NUP42: variants seen among roughly 807,000 people sequenced by gnomAD.
NUP42 encodes the protein nucleoporin 42.
In NUP42, 47 loss-of-function variants were observed where a neutral mutation model predicts 35.9. That is an observed-to-expected ratio of 1.31 (90% CI 1.04 to 1.67). The LOEUF (loss-of-function observed/expected upper bound fraction) is 1.67, where lower values mean the gene tolerates loss of function less well. Ranked by LOEUF, NUP42 falls within the 40% of genes most tolerant of loss-of-function variation. NUP42 has a pLI of 0.00. For synonymous variants in NUP42, 173 were observed against 173.3 expected, an observed-to-expected ratio of 1.00 and a Z score of 0.01; for missense variants, 514 against 492.2, an observed-to-expected ratio of 1.04 and a Z score of -0.42.
intron 5 of NUP42, chr7:23,198,190 A>AAAAAC (rs1325871563): frequency 2.6e-5 from 4 of 151,290 alleles, no homozygotes; most frequent in African/African-American, 9.9e-5. Flanking sequence ...TTGCAGTCTC[A>AAAAAC]AAAACAAAAG....
intron 2 of NUP42, among the ~76,000 whole-genome samples, chr7:23,186,684 T>TA (rs1189222355): frequency 2.0e-5 from 3 of 152,184 alleles, no homozygotes; most frequent in Admixed American, 1.3e-4. Context: ...TTTTAATTCC[T>TA]AAAAAAAGTA....
At chr7:23,198,595 A>C (rs1461555677) in intron 5 of NUP42, among the ~76,000 whole-genome samples, 1 of 152,242 alleles carries the variant, frequency 6.6e-6, no homozygotes, top group East Asian at 1.9e-4. Context: ...GGAAGGAGCA[A>C]ATACAAAGTT....
chr7:23,192,979 G>A (rs940135701), intron 3 of NUP42, among the ~76,000 whole-genome samples: 6 of 152,142 alleles, frequency 3.9e-5, no homozygotes, highest in African/African-American at 1.4e-4. Flanking sequence ...ATGTTCAGAT[G>A]TGTTCGGAGT....
At chr7:23,199,635 C>T in intron 6 of NUP42, 93 bp downstream of exon 6, 3 of 1,067,432 alleles carry the variant, frequency 2.8e-6, no homozygotes, top group Admixed American at 1.8e-5. Flanking sequence ...TTTTAAATTA[C>T]CTTCGTAAAT....
chr7:23,183,033 A>C (rs1408330296), intron 1 of NUP42, among the ~76,000 whole-genome samples: 6 of 152,172 alleles, frequency 3.9e-5, no homozygotes, highest in Middle Eastern at 3.2e-3. Context: ...ACGCCCAGTT[A>C]AGGGCTATCC....
At chr7:23,199,427 A>C in intron 5 of NUP42, 31 bp from the exon 6 acceptor site, 1 of 1,551,812 alleles carries the variant, frequency 6.4e-7, no homozygotes, top group Non-Finnish European at 8.9e-7. Context: ...TTCATCAAGC[A>C]CTTTATTATT....
chr7:23,190,235 CTG>C (rs1235156654), intron 3 of NUP42, among the ~76,000 whole-genome samples: 2 of 152,174 alleles, frequency 1.3e-5, no homozygotes, highest in East Asian at 3.9e-4. Flanking sequence ...CAATACGTGT[CTG>C]TGTGAATGCC....
intron 6 of NUP42, 134 bp from the exon 7 acceptor site, chr7:23,200,034 G>T (rs767398411): frequency 3.0e-6 from 2 of 665,076 alleles, no homozygotes. Context: ...TCCTCATCTC[G>T]TCCGTCCAGT....
At chr7:23,193,039 GTGGACCTT>G (rs1785860112) in intron 3 of NUP42, among the ~76,000 whole-genome samples, 6 of 151,972 alleles carry the variant, frequency 3.9e-5, no homozygotes, top group African/African-American at 1.2e-4. Context: ...GAGTGAAGCT[GTGGACCTT>G]CGCGGTGAGT....
Position 23,200,854 on chromosome 7 carries a change from C to T in NUP42, c.*109C>T. The T allele has an allele frequency of 1.9e-6, 1 of 519,064 alleles. No individual in the cohort carries two copies. The highest frequency in any genetic ancestry group is 3.0e-6 in the Non-Finnish European group (1 of 332,446). 32.2% of individuals were successfully genotyped at this position (519,064 alleles called of 1,614,324 possible). A position where few individuals can be genotyped will look rare whatever the true frequency, so the allele number is the denominator to read the frequency against. On this transcript the variant is annotated 3_prime_UTR_variant, in exon 7 of 7. Coordinates refer to ENST00000258742, the MANE Select transcript of NUP42 (RefSeq NM_007342.3). ...ATATATTCATAAGGAATATAAGCTTCCATCAATAGTGATTTTAAATTTGAT... is the reference window on the plus strand; with the variant it reads ...ATATATTCATAAGGAATATAAGCTTTCATCAATAGTGATTTTAAATTTGAT...
chr7:23,187,337 T>G, intron 3 of NUP42, 191 bp downstream of exon 3: 1 of 477,150 alleles, frequency 2.1e-6, no homozygotes, highest in Non-Finnish European at 3.7e-6. Flanking sequence ...TATAGTCTTT[T>G]AAGACATATA....
intron 1 of NUP42, 67 bp downstream of exon 1, chr7:23,182,273 C>G: frequency 2.0e-6 from 3 of 1,536,958 alleles, no homozygotes; most frequent in Non-Finnish European, 2.6e-6. Context: ...GACCGGGCGT[C>G]CCGCGTGTTT....
intron 3 of NUP42, among the ~76,000 whole-genome samples, chr7:23,192,398 T>G (rs937223595): frequency 3.3e-5 from 5 of 151,558 alleles, no homozygotes; most frequent in African/African-American, 1.2e-4. Flanking sequence ...ACAAAAAAAA[T>G]TAGCCGGGCT....
rs769317648 is a variant in NUP42 at position 23,200,309 on chromosome 7, C to G, written c.836C>G (p.Ser279Ter). The G allele has an allele frequency of 6.2e-7, 1 of 1,603,868 alleles. No homozygotes were observed. The highest frequency in any genetic ancestry group is 8.5e-7 in the Non-Finnish European group (1 of 1,173,760). ...TTTGGAGCTGCAGCCTCTACCAGTT[C>G]AGGTATCTCTACTTCTGCTCCAGCT... ...PAFGAAASTSSGISTSAPAFG... is the reference protein window; with the variant it reads ...PAFGAAASTS Residue 279 changes from serine to a stop codon, truncating the protein, a stop_gained, in exon 7 of 7, where the codon TCA becomes TGA. Coordinates refer to ENST00000258742, the MANE Select transcript of NUP42 (RefSeq NM_007342.3). LOFTEE classifies it low-confidence loss of function (END_TRUNC).
At position 23,199,523 on chromosome 7, in the gene NUP42, A is replaced by C. The variant is rs924023238; in HGVS notation, c.675A>C (p.Ala225=). The change falls in exon 6 of 7, where the codon GCA becomes GCC. Residue 225 remains alanine (A), a synonymous_variant. Transcript: ENST00000258742. The stretch of plus-strand genomic sequence containing the variant: ...CATTTGGATTTGGCAGCAGTCAAGC[A>C]GCAACATTTATGTCGCCAGGTAAGT... ...APAFGFGSSQ[A]ATFMSPGFPV... The C allele has an allele frequency of 6.2e-6, 10 of 1,613,960 alleles. No homozygotes were observed. The highest frequency in any genetic ancestry group is 8.5e-6 in the Non-Finnish European group (10 of 1,179,932).
rs1786168148 is a variant in NUP42 at position 23,200,292 on chromosome 7, T to G, written c.819T>G (p.Ala273=). ...TTGGGAGTTCCCCAGCATTTGGAGC[T>G]GCAGCCTCTACCAGTTCAGGTATCT... is the stretch of plus-strand genomic sequence containing the variant. ...AGFGSSPAFG[A]AASTSSGIST... Residue 273 remains alanine (A), a synonymous_variant, in exon 7 of 7, where the codon GCT becomes GCG. Coordinates refer to ENST00000258742, the MANE Select transcript of NUP42 (RefSeq NM_007342.3). 1.2e-6 allele frequency: 2 copies of G among 1,603,118 alleles called. No individual in the cohort carries two copies. Among genetic ancestry groups the G allele is most frequent in the Non-Finnish European group, 1.7e-6 (2 of 1,173,140 alleles).
At chr7:23,196,107 ATAAT>A (rs1374170769) in intron 4 of NUP42, 192 bp downstream of exon 4, 5 of 311,334 alleles carry the variant, frequency 1.6e-5, no homozygotes, top group Admixed American at 4.9e-5. Flanking sequence ...TTTTACTTTA[ATAAT>A]TAGGAATATT....
chr7:23,193,748 G>A (rs915426932), intron 3 of NUP42, among the ~76,000 whole-genome samples: 9 of 152,234 alleles, frequency 5.9e-5, no homozygotes, highest in African/African-American at 2.2e-4. Flanking sequence ...CAGCCCTTGG[G>A]TGGTCGATGG....
In NUP42 at chr7:23,200,677, C is replaced by G. The variant is rs1485341285; in HGVS notation, c.1204C>G (p.Gln402Glu). Reference sequence around the variant, plus strand: ...AACAGTAGAAGAACTGGAACAATTTCAATCCAAGAAATTTACTCTGGGAAA... The same window carrying G: ...AACAGTAGAAGAACTGGAACAATTTGAATCCAAGAAATTTACTCTGGGAAA... Reference protein sequence around the residue: ...KLTVEELEQFQSKKFTLGKIP... With the variant: ...KLTVEELEQFESKKFTLGKIP... Residue 402 changes from glutamine (Q) to glutamate (E), a missense_variant, in exon 7 of 7, where the codon CAA becomes GAA. By Grantham distance (29) the Gln-to-Glu change is conservative. Coordinates refer to ENST00000258742, the MANE Select transcript of NUP42 (RefSeq NM_007342.3). The G allele has an allele frequency of 2.5e-5, 40 of 1,611,436 alleles. No individual in the cohort carries two copies. The East Asian group carries it at 8.9e-4, about 36-fold the overall frequency.
Sources: gnomAD v4.1 joint callset for allele counts (sites outside exome capture counted in the v4.1 genomes callset) on GRCh38, gnomAD v4.1.1 for gene constraint, MANE v1.5 for transcripts, NCBI Gene and HGNC (gene_info 2026-07-23, HGNC 2026-07-21) for gene names.